FMNL2: variants seen among roughly 807,000 people sequenced by gnomAD.
FMNL2 encodes the protein formin-like protein 2.
A neutral mutation model predicts 130.2 loss-of-function variants in FMNL2; 51 were observed. That is an observed-to-expected ratio of 0.39 (90% CI 0.31 to 0.49). The LOEUF (loss-of-function observed/expected upper bound fraction) is 0.49, where lower values mean the gene tolerates loss of function less well. FMNL2 is among the 20% of genes least tolerant of loss of function. The pLI is 0.85. For missense variants in FMNL2, 977 were observed against 1,316.2 expected (o/e 0.74, Z 3.99); for synonymous variants, 465 against 467.1 (o/e 1.00, Z 0.06).
intron 8 of FMNL2, 82 bp downstream of exon 8, chr2:152,579,046 T>C (rs1371125325): frequency 8.8e-7 from 1 of 1,138,390 alleles, no homozygotes; most frequent in East Asian, 2.4e-5. Context: ...AGTTTGACTT[T>C]GGAAACTTTC....
intron 1 of FMNL2, among the ~76,000 whole-genome samples, chr2:152,364,590 A>G (rs1362210758): frequency 6.6e-6 from 1 of 152,178 alleles, no homozygotes; most frequent in Non-Finnish European, 1.5e-5. Context: ...AGTATTTCCA[A>G]TACATTAATC....
chr2:152,365,785 A>G (rs555207740), intron 1 of FMNL2, among the ~76,000 whole-genome samples: 3 of 152,192 alleles, frequency 2.0e-5, no homozygotes, highest in African/African-American at 7.2e-5. Flanking sequence ...AACAACAACA[A>G]AGTCTCCTGC....
chr2:152,435,149 A>G (rs1338792317), intron 1 of FMNL2, among the ~76,000 whole-genome samples: 1 of 152,144 alleles, frequency 6.6e-6, no homozygotes, highest in African/African-American at 2.4e-5. Flanking sequence ...CTGTACATAC[A>G]TGTACACCCC....
intron 1 of FMNL2, 38 bp downstream of exon 1, chr2:152,335,758 G>A (rs752977926): frequency 3.4e-6 from 5 of 1,459,120 alleles, no homozygotes; most frequent in Non-Finnish European, 4.6e-6. Flanking sequence ...GGGACCCGGG[G>A]CCCCGGGCCG....
chr2:152,586,507 C>G (rs994208131), intron 9 of FMNL2, among the ~76,000 whole-genome samples: 3 of 152,158 alleles, frequency 2.0e-5, no homozygotes, highest in African/African-American at 7.2e-5. Context: ...TCTAACCTCC[C>G]AAGCATTTGA....
chr2:152,401,493 T>TCCCA (rs1685689689), intron 1 of FMNL2, among the ~76,000 whole-genome samples: 1 of 152,230 alleles, frequency 6.6e-6, no homozygotes, highest in Non-Finnish European at 1.5e-5. Context: ...GCTTGAAGAA[T>TCCCA]TCTTCCTTTT....
At chr2:152,513,506 A>G (rs978591193) in intron 1 of FMNL2, among the ~76,000 whole-genome samples, 5 of 152,192 alleles carry the variant, frequency 3.3e-5, no homozygotes, top group African/African-American at 1.2e-4. Flanking sequence ...GTGAACTTGG[A>G]CAAATGCTTT....
At chr2:152,431,395 C>G (rs781090086) in intron 1 of FMNL2, among the ~76,000 whole-genome samples, 10 of 152,162 alleles carry the variant, frequency 6.6e-5, no homozygotes, top group Non-Finnish European at 1.5e-4. Flanking sequence ...TGTTTACCAA[C>G]TGGTTGCATG....
intron 2 of FMNL2, among the ~76,000 whole-genome samples, chr2:152,536,261 C>G (rs981131427): frequency 6.6e-6 from 1 of 152,200 alleles, no homozygotes; most frequent in African/African-American, 2.4e-5. Flanking sequence ...CTTTTCCTCT[C>G]CCTGTTACTT....
intron 2 of FMNL2, among the ~76,000 whole-genome samples, chr2:152,533,040 G>A (rs1693795011): frequency 6.6e-6 from 1 of 152,166 alleles, no homozygotes; most frequent in South Asian, 2.1e-4. Flanking sequence ...TCACTTTTTA[G>A]TATTTATAAT....
At chr2:152,475,834 A>G (rs1690120659) in intron 1 of FMNL2, among the ~76,000 whole-genome samples, 1 of 152,194 alleles carries the variant, frequency 6.6e-6, no homozygotes, top group Non-Finnish European at 1.5e-5. Context: ...TACAAAAAAA[A>G]GGCAAGTTGG....
chr2:152,522,364 G>T (rs1283873080), intron 2 of FMNL2, among the ~76,000 whole-genome samples: 3 of 152,188 alleles, frequency 2.0e-5, no homozygotes, highest in Non-Finnish European at 4.4e-5. Context: ...CTAAACTTGT[G>T]TGGCTGCCTC....
rs1397579726 is a variant in FMNL2 at position 152,618,905 on chromosome 2, A to G, written c.1374A>G (p.Lys458=). Reference sequence around the variant, plus strand: ...CATTAAGAAAAATGGTCAAAGAAAAAGAAGAAGCAATTCAAAGACAGTCTA... The same window carrying G: ...CATTAAGAAAAATGGTCAAAGAAAAGGAAGAAGCAATTCAAAGACAGTCTA... The part of the protein sequence containing the change: ...VHTLRKMVKE[K]EEAIQRQSTL... The change falls in exon 14 of 26, where the codon AAA becomes AAG. Residue 458 remains lysine, a synonymous_variant. Coordinates refer to ENST00000288670, the MANE Select transcript of FMNL2 (RefSeq NM_052905.4). 1 of 1,611,400 alleles carries G rather than the reference A, an allele frequency of 6.2e-7. No individual in the cohort carries two copies. Among genetic ancestry groups the G allele is most frequent in the Admixed American group, 1.7e-5 (1 of 59,230 alleles).
chr2:152,385,845 A>AT (rs888908853), intron 1 of FMNL2, among the ~76,000 whole-genome samples: 3 of 151,942 alleles, frequency 2.0e-5, no homozygotes, highest in Non-Finnish European at 2.9e-5. Context: ...TATGCCATGG[A>AT]TTTTTTTTCA....
At chr2:152,370,802 C>T (rs2105857454) in intron 1 of FMNL2, among the ~76,000 whole-genome samples, 1 of 152,304 alleles carries the variant, frequency 6.6e-6, no homozygotes, top group Admixed American at 6.5e-5. Flanking sequence ...CAATAACAAA[C>T]TACTGCAAAG....
intron 6 of FMNL2, among the ~76,000 whole-genome samples, chr2:152,568,742 C>CTCTTGAGAACTCAGTA (rs1307600475): frequency 1.2e-4 from 19 of 152,114 alleles, no homozygotes; most frequent in African/African-American, 4.3e-4. Flanking sequence ...ACCATCAGAT[C>CTCTTGAGAACTCAGTA]TCTTGAGAAC....
In FMNL2 at chr2:152,619,543, G is replaced by GCCT. The variant is rs778864158; in HGVS notation, c.1664_1665insTCC (p.Pro573dup). ...GTCCAGTAACACCACCTATGCCACC[G>GCCT]CCGCCGCCGCCCCCTCCTCCACCTC... On this transcript the variant is annotated inframe_insertion, in exon 15 of 26. Coordinates refer to ENST00000288670, the MANE Select transcript of FMNL2 (RefSeq NM_052905.4). 2 of 1,394,252 alleles carry GCCT rather than the reference G, an allele frequency of 1.4e-6. No homozygotes were observed. 86.4% of individuals were successfully genotyped at this position (1,394,252 alleles called of 1,614,324 possible).
chr2:152,397,388 GAAA>G (rs5835428), intron 1 of FMNL2, among the ~76,000 whole-genome samples: 23 of 151,350 alleles, frequency 1.5e-4, no homozygotes, highest in African/African-American at 4.9e-4. Flanking sequence ...CAGTTAGGGG[GAAA>G]AAAAAAAATG....
At chr2:152,595,686 G>A (rs572250124) in intron 9 of FMNL2, among the ~76,000 whole-genome samples, 1 of 152,158 alleles carries the variant, frequency 6.6e-6, no homozygotes, top group Non-Finnish European at 1.5e-5. Context: ...GATTCATTCA[G>A]TATGAATTTC....
Sources: gnomAD v4.1 joint callset for allele counts (sites outside exome capture counted in the v4.1 genomes callset) on GRCh38, gnomAD v4.1.1 for gene constraint, MANE v1.5 for transcripts, NCBI Gene and HGNC (gene_info 2026-07-23, HGNC 2026-07-21) for gene names.